The following ZNF738 variants were observed in gnomAD, a reference collection of about 807,000 sequenced individuals.
ZNF738 encodes the protein zinc finger protein 738.
Under a neutral mutation model 9.2 loss-of-function variants are expected in ZNF738, and 10 were observed. That is an observed-to-expected ratio of 1.09 (90% CI 0.67 to 1.85). ZNF738 has a LOEUF of 1.85. Ranked by LOEUF, ZNF738 falls within the 40% of genes most tolerant of loss-of-function variation. The pLI, the probability that ZNF738 is intolerant of heterozygous loss-of-function variation, is 0.00. For missense variants in ZNF738, 346 were observed against 283.6 expected (o/e 1.22, Z -1.58); for synonymous variants, 113 against 94.5 (o/e 1.20, Z -1.14).
chr19:21,383,720 A>G lies in ZNF738; in HGVS notation c.*46A>G. ...ATTCGCAACCCTTACTAGACATAAG[A>G]TAATTCATACTGAAGAGAAACCCTA... On this transcript the variant is annotated 3_prime_UTR_variant, in exon 5 of 5. Transcript: ENST00000683779. 5 of 1,054,134 alleles carry G rather than the reference A, an allele frequency of 4.7e-6. No individual in the cohort carries two copies. The highest frequency in any genetic ancestry group is 2.5e-5 in the East Asian group (1 of 40,212). The allele number at this position is 1,054,134 out of a possible 1,614,324, so 65.3% of individuals were successfully genotyped here.
In ZNF738 at chr19:21,383,883, A is replaced by G. The variant is rs1050089826; in HGVS notation, c.*209A>G. ...CAGATTCTCATACCTTACTACACATAAGATAATTCATACTGGAGAGAAACC... is the reference window on the plus strand; with the variant it reads ...CAGATTCTCATACCTTACTACACATGAGATAATTCATACTGGAGAGAAACC... On this transcript the variant is annotated 3_prime_UTR_variant, in exon 5 of 5. Coordinates refer to ENST00000683779, the MANE Select transcript of ZNF738 (RefSeq NM_001355237.2). The G allele has an allele frequency of 7.1e-7, 1 of 1,417,194 alleles. No homozygotes were observed. Among genetic ancestry groups the G allele is most frequent in the Middle Eastern group, 1.8e-4 (1 of 5,638 alleles). 87.8% of individuals were successfully genotyped at this position (1,417,194 alleles called of 1,614,324 possible). A position where few individuals can be genotyped will look rare whatever the true frequency, so the allele number is the denominator to read the frequency against.
intron 2 of ZNF738, among the ~76,000 whole-genome samples, chr19:21,374,847 A>G (rs936918227): frequency 2.6e-5 from 4 of 152,190 alleles, no homozygotes; most frequent in African/African-American, 9.6e-5. Context: ...AATCTGCATA[A>G]GATCTCCAGT....
At chr19:21,363,885 T>TA (rs71176862) in intron 2 of ZNF738, among the ~76,000 whole-genome samples, 77 of 141,376 alleles carry the variant, frequency 5.4e-4, no homozygotes, top group Admixed American at 7.8e-4. Flanking sequence ...AGACTCCATT[T>TA]AAAAAAAAAA....
chr19:21,364,025 C>T (rs1445409199), intron 2 of ZNF738, among the ~76,000 whole-genome samples: 2 of 151,580 alleles, frequency 1.3e-5, no homozygotes, highest in African/African-American at 2.4e-5. Context: ...GGTGAAACCC[C>T]GTCTCTACTA....
At chr19:21,366,204 A>T (rs1233271658) in intron 2 of ZNF738, among the ~76,000 whole-genome samples, 1 of 152,198 alleles carries the variant, frequency 6.6e-6, no homozygotes, top group Non-Finnish European at 1.5e-5. Flanking sequence ...ATAGCAATTA[A>T]CATCCAGTGG....
chr19:21,376,670 G>A (rs1183518217), intron 4 of ZNF738, among the ~76,000 whole-genome samples: 1 of 151,944 alleles, frequency 6.6e-6, no homozygotes, highest in African/African-American at 2.4e-5. Flanking sequence ...TCAGCCTCCC[G>A]AGTAGCTGAG....
chr19:21,371,635 G>A (rs770947067), intron 2 of ZNF738, among the ~76,000 whole-genome samples: 31 of 152,170 alleles, frequency 2.0e-4, no homozygotes, highest in Non-Finnish European at 3.5e-4. Context: ...CTAGCAACTG[G>A]ATACATGGTT....
intron 1 of ZNF738, among the ~76,000 whole-genome samples, chr19:21,359,371 G>A (rs1309728913): frequency 6.6e-6 from 1 of 152,184 alleles, no homozygotes; most frequent in East Asian, 1.9e-4. Flanking sequence ...CTGTGCCCTT[G>A]CCTGGAGCCC....
intron 2 of ZNF738, among the ~76,000 whole-genome samples, chr19:21,364,912 AT>A (rs71176864): frequency 1.4e-4 from 14 of 99,244 alleles, no homozygotes; most frequent in Admixed American, 1.0e-3. Flanking sequence ...TACCCAGCTA[AT>A]TTTTTTTTTT....
rs749790368 is a variant in ZNF738, at chr19:21,387,538, G to A, written c.*3864G>A. On this transcript the variant is annotated 3_prime_UTR_variant, in exon 5 of 5. Transcript: ENST00000683779. ...TTCATACTGGAAAGAAATCCTACAA[G>A]TGAGAGCAATGTGGCAAAACTTAAC... 3.9e-5 allele frequency among the ~76,000 whole-genome samples: 6 copies of A among 152,190 alleles called. No individual in the cohort carries two copies. Among genetic ancestry groups the A allele is most frequent in the Non-Finnish European group, 8.8e-5 (6 of 68,030 alleles).
Position 21,361,832 on chromosome 19 carries a change from C to A in ZNF738, c.70C>A (p.Leu24Ile). 4 of 780,612 alleles carry A rather than the reference C, an allele frequency of 5.1e-6. No homozygotes were observed. Among genetic ancestry groups the A allele is most frequent in the Non-Finnish European group, 9.6e-6 (4 of 417,942 alleles). The allele number at this position is 780,612 out of a possible 1,614,324, so 48.4% of individuals were successfully genotyped here. A position where few individuals can be genotyped will look rare whatever the true frequency, so the allele number is the denominator to read the frequency against. Reference sequence around the variant, plus strand: ...TGGATACCCTGGGGCTGAGAGGAATCTTCTGGAGTACTCTTATTTTGAAAA... The same window carrying A: ...TGGATACCCTGGGGCTGAGAGGAATATTCTGGAGTACTCTTATTTTGAAAA... ...ASGYPGAERN[L>I]LEYSYFEKGP... The change falls in exon 2 of 5, where the codon CTT (leucine) becomes ATT (isoleucine). Residue 24 changes from leucine (L) to isoleucine (I), a missense_variant. By Grantham distance (5) the Leu-to-Ile change is conservative. Transcript: ENST00000683779.
chr19:21,376,049 T>C, intron 4 of ZNF738, 85 bp downstream of exon 4: 1 of 581,240 alleles, frequency 1.7e-6, no homozygotes. Flanking sequence ...TAATGTGATT[T>C]GGGAAGCTGT....
chr19:21,381,130 T>A, intron 4 of ZNF738: 1 of 788,706 alleles, frequency 1.3e-6, no homozygotes, highest in Non-Finnish European at 2.1e-6. Context: ...AGCAGCACAT[T>A]AAGCACGTGA....
intron 4 of ZNF738, chr19:21,377,275 C>G (rs1164928850): frequency 1.9e-6 from 1 of 515,004 alleles, no homozygotes; most frequent in African/African-American, 2.0e-5. Flanking sequence ...CCATTGCACT[C>G]CAGCCTGGGT....
intron 2 of ZNF738, chr19:21,372,278 CAG>C (rs1474349778): frequency 6.6e-6 from 1 of 152,090 alleles, no homozygotes; most frequent in Non-Finnish European, 1.5e-5. Context: ...TTAGGAAAAA[CAG>C]AACTGGAAAT....
At chr19:21,366,942 T>A (rs139784024) in intron 2 of ZNF738, among the ~76,000 whole-genome samples, 2,053 of 152,268 alleles carry the variant, frequency 0.013, 50 homozygotes, top group African/African-American at 0.047. Context: ...TCCTATCTCA[T>A]CTTGTGACTT....
chr19:21,359,021 T>A lies in ZNF738; in HGVS notation c.-120T>A. On this transcript the variant is annotated 5_prime_UTR_variant, in exon 1 of 5. Transcript: ENST00000683779. The stretch of plus-strand genomic sequence containing the variant: ...CTTTGTCTTTGGCTGCCGCTGGAAC[T>A]CCGGGTCTCGTCTTCACTGCTCTGT... The A allele has an allele frequency of 1.3e-6, 1 of 776,704 alleles. No homozygotes were observed. Among genetic ancestry groups the A allele is most frequent in the South Asian group, 1.3e-5 (1 of 74,864 alleles). 48.1% of individuals were successfully genotyped at this position (776,704 alleles called of 1,614,324 possible).
At chr19:21,381,295 T>C (rs1300989510) in intron 4 of ZNF738, 30 of 1,590,380 alleles carry the variant, frequency 1.9e-5, no homozygotes, top group Non-Finnish European at 2.6e-5. Flanking sequence ...CACTGGATAA[T>C]TTGTCTTCAA....
chr19:21,359,171 G>A (rs1333105535), intron 1 of ZNF738, 28 bp downstream of exon 1: 2 of 1,035,864 alleles, frequency 1.9e-6, no homozygotes, highest in East Asian at 2.4e-5. Flanking sequence ...AACATCCCGA[G>A]AGAGGGGAAG....
Sources: allele counts gnomAD v4.1 joint callset (sites outside exome capture counted in the v4.1 genomes callset), GRCh38; gene constraint gnomAD v4.1.1; transcripts MANE v1.5; gene names NCBI Gene and HGNC (gene_info 2026-07-23, HGNC 2026-07-21).